The following ABL2 variants were observed in gnomAD, a reference collection of about 807,000 sequenced individuals.
The protein encoded by ABL2 is ABL proto-oncogene 2, non-receptor tyrosine kinase.
In ABL2, 49 loss-of-function variants were observed where a neutral mutation model predicts 107.7. That is an observed-to-expected ratio of 0.45 (90% CI 0.36 to 0.58). The LOEUF is 0.58. ABL2 is among the 20% of genes least tolerant of loss of function. ABL2 has a pLI of 0.00. For synonymous variants in ABL2, 549 were observed against 548.6 expected (o/e 1.00, Z -0.01); for missense variants, 1,245 against 1,457.0 (o/e 0.85, Z 2.37).
intron 1 of ABL2, among the ~76,000 whole-genome samples, chr1:179,227,924 G>C (rs1330982184): frequency 1.3e-5 from 2 of 150,914 alleles, no homozygotes; most frequent in African/African-American, 4.9e-5. Context: ...GGTGGCGGGC[G>C]CCTGTAATCC....
chr1:179,135,815 G>C (rs1162058367), intron 1 of ABL2, among the ~76,000 whole-genome samples: 5 of 141,840 alleles, frequency 3.5e-5, no homozygotes, highest in Non-Finnish European at 7.8e-5. Flanking sequence ...GCCCCGTCCG[G>C]GAGGGAGGGA....
At chr1:179,170,972 G>A (rs1402458766) in intron 1 of ABL2, among the ~76,000 whole-genome samples, 2 of 152,102 alleles carry the variant, frequency 1.3e-5, no homozygotes, top group East Asian at 1.9e-4. Flanking sequence ...CCAAAATGTT[G>A]GGATTACAGG....
chr1:179,224,797 C>T (rs2816210), intron 1 of ABL2, among the ~76,000 whole-genome samples: 45,116 of 149,516 alleles, frequency 0.3, 7,690 homozygotes, highest in East Asian at 0.43. Context: ...AGAGTATCAC[C>T]TGAGCCTAGG....
At chr1:179,181,650 C>CT (rs1299599977) in intron 1 of ABL2, among the ~76,000 whole-genome samples, 2 of 152,180 alleles carry the variant, frequency 1.3e-5, no homozygotes, top group African/African-American at 4.8e-5. Context: ...TCATGCAACT[C>CT]TTTTTGAATA....
Position 179,135,000 on chromosome 1 carries a change from G to A in ABL2, c.158-1626C>T, listed in dbSNP as rs571003349. Reference sequence around the variant, plus strand: ...GCCAGCCTCGGCCTCCCGAGGTGCCGGGATTGCAGACGGAGTCTCGTTCAC... The same window carrying A: ...GCCAGCCTCGGCCTCCCGAGGTGCCAGGATTGCAGACGGAGTCTCGTTCAC... On this transcript the variant is annotated intron_variant, in intron 1 of 11. Coordinates refer to ENST00000502732, the MANE Select transcript of ABL2 (RefSeq NM_007314.4). Among the ~76,000 whole-genome samples, 28 of 152,374 alleles carry A rather than the reference G, an allele frequency of 1.8e-4. No homozygotes were observed. The South Asian group carries it at 3.7e-3, about 20-fold the overall frequency.
At chr1:179,192,634 CTT>C (rs1453404805) in intron 1 of ABL2, among the ~76,000 whole-genome samples, 2 of 152,136 alleles carry the variant, frequency 1.3e-5, no homozygotes, top group African/African-American at 2.4e-5. Flanking sequence ...TGACAATTGA[CTT>C]AACCTTTAAT....
chr1:179,113,988 C>T (rs1312996173), intron 9 of ABL2, among the ~76,000 whole-genome samples: 3 of 151,904 alleles, frequency 2.0e-5, no homozygotes, highest in African/African-American at 7.3e-5. Context: ...GGCGTGGTGG[C>T]TCATGCCTGT....
chr1:179,147,200 A>AAAAAAAAAAAAAAC (rs1658054166), intron 1 of ABL2, among the ~76,000 whole-genome samples: 1 of 149,978 alleles, frequency 6.7e-6, no homozygotes, highest in African/African-American at 2.4e-5. Flanking sequence ...AAAAAAAAAA[A>AAAAAAAAAAAAAAC]AAAAAAAACC....
At chr1:179,159,507 G>C (rs552159993) in intron 1 of ABL2, among the ~76,000 whole-genome samples, 37 of 152,294 alleles carry the variant, frequency 2.4e-4, no homozygotes, top group African/African-American at 7.9e-4. Context: ...ATGAATTTAA[G>C]AGATACATCT....
At chr1:179,222,202 T>C (rs1662909434) in intron 1 of ABL2, 1 of 153,436 alleles carries the variant, frequency 6.5e-6, no homozygotes, top group Non-Finnish European at 1.5e-5. Flanking sequence ...GAAAAGTTCA[T>C]GGAGAGGTCA....
At chr1:179,198,104 G>A (rs1467506433) in intron 1 of ABL2, among the ~76,000 whole-genome samples, 1 of 148,472 alleles carries the variant, frequency 6.7e-6, no homozygotes. Context: ...GCCTGAGGAG[G>A]TCAAAGCTGC....
intron 6 of ABL2, among the ~76,000 whole-genome samples, chr1:179,119,381 C>G (rs1307924034): frequency 6.6e-6 from 1 of 151,898 alleles, no homozygotes; most frequent in Non-Finnish European, 1.5e-5. Flanking sequence ...GTCTCTACTA[C>G]AAAAATTAGC....
In ABL2 at chr1:179,105,590, C is replaced by A. The variant is rs1572593913; in HGVS notation, c.*2128G>T. The A allele has an allele frequency of 4.4e-6, 1 of 228,870 alleles. No homozygotes were observed. The highest frequency in any genetic ancestry group is 8.7e-6 in the Non-Finnish European group (1 of 115,340). 14.2% of individuals were successfully genotyped at this position (228,870 alleles called of 1,614,324 possible). On this transcript the variant is annotated 3_prime_UTR_variant, in exon 12 of 12. Coordinates refer to ENST00000502732, the MANE Select transcript of ABL2 (RefSeq NM_007314.4). ...AGGAGGAGATGAACCCAATCACTAG[C>A]TGCCTGTGCTGCAACTGCAGGTGAC...
At chr1:179,128,911 C>T (rs1656001784) in intron 3 of ABL2, among the ~76,000 whole-genome samples, 1 of 151,962 alleles carries the variant, frequency 6.6e-6, no homozygotes, top group African/African-American at 2.4e-5. Context: ...TTTTGAACTC[C>T]TAGGCTCACG....
intron 1 of ABL2, among the ~76,000 whole-genome samples, chr1:179,139,382 A>T (rs577202782): frequency 1.3e-5 from 2 of 152,210 alleles, no homozygotes; most frequent in South Asian, 4.2e-4. Context: ...ACTCACCAGA[A>T]GGAAGAAACT....
chr1:179,136,819 G>A (rs1241148530), intron 1 of ABL2, among the ~76,000 whole-genome samples: 1 of 151,542 alleles, frequency 6.6e-6, no homozygotes, highest in East Asian at 1.9e-4. Context: ...CGGAGGCTGA[G>A]GCACGAGAAT....
In ABL2 at chr1:179,126,748, C is replaced by A; in HGVS notation, c.392-76G>T. 3 of 1,290,434 alleles carry A rather than the reference C, an allele frequency of 2.3e-6. No homozygotes were observed. Among genetic ancestry groups the A allele is most frequent in the South Asian group, 3.6e-5 (2 of 55,464 alleles). The allele number at this position is 1,290,434 out of a possible 1,614,324, so 79.9% of individuals were successfully genotyped here. A position where few individuals can be genotyped will look rare whatever the true frequency, so the allele number is the denominator to read the frequency against. Reference sequence around the variant, plus strand: ...TCAACTGAAGCAGTGTACTGTCAAACTTTAAACTCATTAAAAAAAAAAAAG... The same window carrying A: ...TCAACTGAAGCAGTGTACTGTCAAAATTTAAACTCATTAAAAAAAAAAAAG... On this transcript the variant is annotated intron_variant, in intron 3 of 11. Transcript: ENST00000502732. The surrounding 1 kb of genome is among the most constrained non-coding windows in gnomAD (Gnocchi z 4.4).
Position 179,103,245 on chromosome 1 carries a change from C to A in ABL2, c.*4473G>T, listed in dbSNP as rs1343802283. 3 of 209,462 alleles carry A rather than the reference C, an allele frequency of 1.4e-5. No individual in the cohort carries two copies. The highest frequency in any genetic ancestry group is 2.9e-5 in the Non-Finnish European group (3 of 103,080). 13.0% of individuals were successfully genotyped at this position (209,462 alleles called of 1,614,324 possible). A position where few individuals can be genotyped will look rare whatever the true frequency, so the allele number is the denominator to read the frequency against. ...CTTTAGCAAACACTTGCTATACCTG[C>A]TCATACCTGTTAAGCAGTTTCATAT... On this transcript the variant is annotated 3_prime_UTR_variant, in exon 12 of 12. Transcript: ENST00000502732.
At chr1:179,133,154 G>A (rs1305228677) in intron 2 of ABL2, among the ~76,000 whole-genome samples, 158 bp downstream of exon 2, 2 of 152,192 alleles carry the variant, frequency 1.3e-5, no homozygotes, top group Admixed American at 1.3e-4. Flanking sequence ...ACCACACCCA[G>A]CCAGGCCAAC....
Sources: gnomAD v4.1 joint callset for allele counts (sites outside exome capture counted in the v4.1 genomes callset) on GRCh38, gnomAD v4.1.1 for gene constraint, Gnocchi (gnomAD v3.1) non-coding constraint, MANE v1.5 for transcripts, NCBI Gene and HGNC (gene_info 2026-07-23, HGNC 2026-07-21) for gene names.